The following ZNF717 variants were observed in gnomAD, a reference collection of about 807,000 sequenced individuals.
ZNF717 encodes krueppel-like factor X17.
A neutral mutation model predicts 13.8 loss-of-function variants in ZNF717; 9 were observed. The observed-to-expected ratio is 0.65, with a 90% CI of 0.39 to 1.14. The LOEUF (loss-of-function observed/expected upper bound fraction) is 1.14. Ranked by LOEUF, ZNF717 falls within the 50% of genes most tolerant of loss-of-function variation. The pLI, the probability that ZNF717 is intolerant of heterozygous loss-of-function variation, is 0.01. For missense variants in ZNF717, 1,040 were observed against 1,080.7 expected (o/e 0.96, Z 0.53); for synonymous variants, 327 against 364.1 (o/e 0.90, Z 1.16).
chr3:75,737,402 GAC>G lies in ZNF717; in HGVS notation c.2219_2220del (p.Cys740SerfsTer10), dbSNP rs1939462863. On this transcript the variant is annotated frameshift_variant, in exon 5 of 5. Transcript: ENST00000652011. LOFTEE classifies it low-confidence loss of function (END_TRUNC). The part of the protein sequence containing the change: ...PMNVANVEKP[C>X]QKSVLTVHHR... Reference sequence around the variant, plus strand: ...TGATGTACAGTGAGGACTGACTTCTGACAAGGTTTTTCCACATTTGCTACATT... The same window carrying G: ...TGATGTACAGTGAGGACTGACTTCTGAAGGTTTTTCCACATTTGCTACATT... The G allele has an allele frequency of 2.6e-5, 40 of 1,552,486 alleles. No individual in the cohort carries two copies. Among genetic ancestry groups the G allele is most frequent in the Non-Finnish European group, 3.2e-5 (37 of 1,147,654 alleles).
intron 2 of ZNF717, among the ~76,000 whole-genome samples, chr3:75,748,019 T>A (rs1941338549): frequency 6.6e-6 from 1 of 152,274 alleles, no homozygotes; most frequent in African/African-American, 2.4e-5. Context: ...ACAGCACCAC[T>A]GATCCCACAG....
At chr3:75,762,221 C>T (rs1484569431) in intron 2 of ZNF717, among the ~76,000 whole-genome samples, 1 of 152,054 alleles carries the variant, frequency 6.6e-6, no homozygotes, top group Admixed American at 6.6e-5. Flanking sequence ...GGCAAATCAC[C>T]TGAGGTCACA....
chr3:75,754,359 T>A (rs13072348), intron 2 of ZNF717, among the ~76,000 whole-genome samples: 6,783 of 146,232 alleles, frequency 0.046, 485 homozygotes, highest in African/African-American at 0.16. Context: ...GGCAAAAAAA[T>A]AAAAAAAAAT....
chr3:75,707,767 C>T (rs1161482886), downstream of ZNF717, among the ~76,000 whole-genome samples: 3 of 152,184 alleles, frequency 2.0e-5, no homozygotes, highest in Non-Finnish European at 2.9e-5. Flanking sequence ...TGCGCTTTTC[C>T]AATGGGCTTA....
chr3:75,760,295 C>T (rs558756400), intron 2 of ZNF717, among the ~76,000 whole-genome samples: 16 of 152,364 alleles, frequency 1.1e-4, no homozygotes, highest in African/African-American at 2.6e-4. Context: ...CCGCCCGCCT[C>T]GGCCTCCCAA....
At position 75,738,434 on chromosome 3, in the gene ZNF717, A is replaced by G. The variant is rs111695593; in HGVS notation, c.1189T>C (p.Cys397Arg). The G allele has an allele frequency of 1.3e-6, 2 of 1,529,266 alleles. No homozygotes were observed. The highest frequency in any genetic ancestry group is 1.8e-6 in the Non-Finnish European group (2 of 1,130,762). The allele number at this position is 1,529,266 out of a possible 1,614,324, so 94.7% of individuals were successfully genotyped here. The change falls in exon 5 of 5, where the codon TGT becomes CGT. Residue 397 changes from cysteine to arginine, a missense_variant. Physicochemically the swap from Cys to Arg is radical, Grantham distance 180. Coordinates refer to ENST00000652011, the MANE Select transcript of ZNF717 (RefSeq NM_001290208.3). ...CTAAAGGTTTTTCCACATTCACTAC[A>G]CTGATAGGGCTTTTCCCCTGAGTGA... ...RTHSGEKPYQ[C>R]SECGKTFSQK...
At chr3:75,712,633 C>G (rs1398471127) in intron 5 of ZNF717, among the ~76,000 whole-genome samples, 1 of 152,144 alleles carries the variant, frequency 6.6e-6, no homozygotes, top group South Asian at 2.1e-4. Context: ...AATAACTAGA[C>G]ATTTTAGTTT....
rs111602528 is a variant in ZNF717, at chr3:75,722,133, G to A, written n.545-5592C>T. The stretch of plus-strand genomic sequence containing the variant: ...AAATTAGCTGGGCGTGGTGGTGGGC[G>A]CCTGTAGTCCCAGCTACTCGGGAGG... On this transcript the variant is annotated intron_variant and non_coding_transcript_variant, in intron 4 of 5. Coordinates refer to the ZNF717 transcript ENST00000491507. Among the ~76,000 whole-genome samples, 7 of 151,506 alleles carry A rather than the reference G, an allele frequency of 4.6e-5. No homozygotes were observed. In the South Asian group the frequency reaches 8.4e-4, roughly 18 times the overall value.
At chr3:75,732,672 A>AATAG (rs1372388750), downstream of ZNF717, among the ~76,000 whole-genome samples, 1 of 152,250 alleles carries the variant, frequency 6.6e-6, no homozygotes, top group African/African-American at 2.4e-5. Context: ...TCTAGCCTCT[A>AATAG]AATTGAGCAA....
At position 75,741,662 on chromosome 3, in the gene ZNF717, C is replaced by A. The variant is rs758319268; in HGVS notation, c.132G>T (p.Arg44Ser). ...CCAGCATCACGTCCCTGTACAGGGT[C>A]CTCTGAGCATCATCCAGGTCCTGCC... ...EEWQDLDDAQ[R>S]TLYRDVMLET... Residue 44 changes from arginine to serine, a missense_variant, in exon 3 of 5, where the codon AGG (arginine) becomes AGT (serine). Arg to Ser is a moderately radical substitution (Grantham distance 110). Around this residue, in one of 3 missense-constraint regions of ZNF717, gnomAD observed 123 missense variants for 177.8 expected, o/e 0.69. Coordinates refer to ENST00000652011, the MANE Select transcript of ZNF717 (RefSeq NM_001290208.3). The A allele has an allele frequency of 1.3e-6, 2 of 1,597,136 alleles. No homozygotes were observed. Among genetic ancestry groups the A allele is most frequent in the Non-Finnish European group, 1.7e-6 (2 of 1,170,204 alleles).
downstream of ZNF717, among the ~76,000 whole-genome samples, chr3:75,706,719 T>C (rs1353373956): frequency 6.6e-6 from 1 of 152,426 alleles, no homozygotes; most frequent in African/African-American, 2.4e-5. Context: ...TCTGCTCCCA[T>C]TGGACTATTA....
chr3:75,703,681 T>C (rs1339049190), intron 6 of ZNF717, among the ~76,000 whole-genome samples: 2 of 152,306 alleles, frequency 1.3e-5, no homozygotes, highest in African/African-American at 2.4e-5. Flanking sequence ...CTAATTTTAC[T>C]GTTTTCTGCC....
At chr3:75,777,125 C>G (rs1944380006) in intron 2 of ZNF717, among the ~76,000 whole-genome samples, 1 of 152,162 alleles carries the variant, frequency 6.6e-6, no homozygotes, top group African/African-American at 2.4e-5. Flanking sequence ...ATCTCTTCAA[C>G]TGGAATGACA....
At position 75,738,277 on chromosome 3, in the gene ZNF717, T is replaced by C; in HGVS notation, c.1346A>G (p.Lys449Arg). ...TCCACACTCATTACATTCATACGGT[T>C]TTTCCCCTGTGTGTGTTCTCTGATG... is the stretch of plus-strand genomic sequence containing the variant. Reference protein sequence around the residue: ...TVHQRTHTGEKPYECNECGKP... With the variant: ...TVHQRTHTGERPYECNECGKP... The change falls in exon 5 of 5, where the codon AAA becomes AGA. Residue 449 changes from lysine (K) to arginine (R), a missense_variant. Transcript: ENST00000652011. 6.4e-7 allele frequency: 1 copy of C among 1,552,818 alleles called. No individual in the cohort carries two copies. Among genetic ancestry groups the C allele is most frequent in the African/African-American group, 1.4e-5 (1 of 73,108 alleles).
chr3:75,758,627 T>G (rs2107525064), intron 2 of ZNF717, among the ~76,000 whole-genome samples: 1 of 152,260 alleles, frequency 6.6e-6, no homozygotes, highest in South Asian at 2.1e-4. Flanking sequence ...CACAGCAAAC[T>G]TCAATGTTGT....
chr3:75,742,850 TTATA>T (rs1284660631), intron 2 of ZNF717, among the ~76,000 whole-genome samples: 1 of 152,266 alleles, frequency 6.6e-6, no homozygotes, highest in Non-Finnish European at 1.5e-5. Context: ...GATAACTCTC[TTATA>T]TAAACTATTC....
downstream of ZNF717, among the ~76,000 whole-genome samples, chr3:75,731,850 C>A (rs1223955895): frequency 2.0e-5 from 3 of 152,224 alleles, no homozygotes; most frequent in Non-Finnish European, 4.4e-5. Context: ...ACCACTGCCC[C>A]CAAGATTGGA....
chr3:75,712,518 G>A (rs1433383257), intron 5 of ZNF717, among the ~76,000 whole-genome samples: 1 of 147,844 alleles, frequency 6.8e-6, no homozygotes, highest in African/African-American at 2.5e-5. Flanking sequence ...TAACCAACTT[G>A]GTCACATGCA....
chr3:75,759,621 C>T (rs377561715), intron 2 of ZNF717, among the ~76,000 whole-genome samples: 3,614 of 92,436 alleles, frequency 0.039, no homozygotes, highest in Admixed American at 0.057. Context: ...CAGGGAGGAG[C>T]GCAGTGGCAC....
Sources: gnomAD v4.1 joint callset for allele counts (sites outside exome capture counted in the v4.1 genomes callset) on GRCh38, gnomAD v4.1.1 for gene constraint, gnomAD v4.1.1 regional missense constraint, MANE v1.5 for transcripts, NCBI Gene and HGNC (gene_info 2026-07-23, HGNC 2026-07-21) for gene names.